PCNX2: variants seen among roughly 807,000 people sequenced by gnomAD.
PCNX2 encodes the protein pecanex 2.
Under a neutral mutation model 223.8 loss-of-function variants are expected in PCNX2, and 168 were observed. The observed-to-expected ratio is 0.75, with a 90% CI of 0.66 to 0.85. The LOEUF (loss-of-function observed/expected upper bound fraction) is 0.85. Ranked by LOEUF, PCNX2 falls within the 40% of genes least tolerant of loss-of-function variation. The pLI, the probability that PCNX2 is intolerant of heterozygous loss-of-function variation, is 0.00. For missense variants in PCNX2, 2,507 were observed against 2,675.5 expected (o/e 0.94, Z 1.39); for synonymous variants, 1,006 against 1,052.6 (o/e 0.96, Z 0.86).
chr1:233,085,032 T>A (rs1673531457), intron 23 of PCNX2, among the ~76,000 whole-genome samples: 1 of 152,180 alleles, frequency 6.6e-6, no homozygotes, highest in Admixed American at 6.5e-5. Flanking sequence ...TTAGACTTAA[T>A]TCACTTAAGA....
At chr1:233,088,647 C>T (rs1428593561) in intron 23 of PCNX2, among the ~76,000 whole-genome samples, 3 of 152,168 alleles carry the variant, frequency 2.0e-5, no homozygotes, top group Non-Finnish European at 2.9e-5. Context: ...CTGCCAGAAA[C>T]CTGAGGACCT....
chr1:233,071,511 A>G (rs547305853), intron 23 of PCNX2, among the ~76,000 whole-genome samples: 1 of 152,306 alleles, frequency 6.6e-6, no homozygotes, highest in East Asian at 1.9e-4. Flanking sequence ...ATGGCTTCAT[A>G]GTATTCCATG....
intron 1 of PCNX2, among the ~76,000 whole-genome samples, chr1:233,274,505 T>C (rs1019458809): frequency 6.6e-6 from 1 of 152,096 alleles, no homozygotes; most frequent in Non-Finnish European, 1.5e-5. Context: ...AAAAGAAACA[T>C]AGTCCCTATA....
Position 233,262,025 on chromosome 1 carries a change from C to A in PCNX2, c.480+20G>T. On this transcript the variant is annotated intron_variant, in intron 3 of 33. Coordinates refer to ENST00000258229, the MANE Select transcript of PCNX2 (RefSeq NM_014801.4). The stretch of plus-strand genomic sequence containing the variant: ...TCGAAATCACATGAAGAGGGTGAAA[C>A]AGGAAAGAAGACCACTAACCAATGG... 1 of 1,613,200 alleles carries A rather than the reference C, an allele frequency of 6.2e-7. No individual in the cohort carries two copies. Among genetic ancestry groups the A allele is most frequent in the South Asian group, 1.1e-5 (1 of 91,054 alleles).
chr1:233,251,542 G>A (rs527527393), intron 7 of PCNX2, among the ~76,000 whole-genome samples: 31 of 152,316 alleles, frequency 2.0e-4, no homozygotes, highest in Admixed American at 9.1e-4. Flanking sequence ...CAACTCAAAG[G>A]TGTTTTCCAC....
chr1:232,995,032 G>C (rs1669831057), intron 32 of PCNX2, among the ~76,000 whole-genome samples: 1 of 152,206 alleles, frequency 6.6e-6, no homozygotes, highest in African/African-American at 2.4e-5. Flanking sequence ...GAAACTGCCT[G>C]CATCTCTAAA....
intron 10 of PCNX2, among the ~76,000 whole-genome samples, chr1:233,226,766 C>T (rs1358470504): frequency 2.6e-5 from 4 of 151,994 alleles, no homozygotes; most frequent in Admixed American, 1.3e-4. Flanking sequence ...CCAAGGTGTC[C>T]GGGAAAGAGG....
intron 14 of PCNX2, among the ~76,000 whole-genome samples, 161 bp downstream of exon 14, chr1:233,199,993 C>T (rs1049125625): frequency 6.6e-6 from 1 of 152,172 alleles, no homozygotes; most frequent in Non-Finnish European, 1.5e-5. Context: ...TACAGGAAAT[C>T]TGGACAGGCC....
intron 23 of PCNX2, chr1:233,065,510 G>C (rs1337450346): frequency 2.6e-5 from 4 of 151,978 alleles, no homozygotes; most frequent in African/African-American, 9.7e-5. Flanking sequence ...CCTCTACTTG[G>C]TACAACGAAA....
At chr1:233,291,747 A>G in intron 1 of PCNX2, 1 of 984,936 alleles carries the variant, frequency 1.0e-6, no homozygotes, top group East Asian at 1.1e-4. Context: ...ATCTCCATTA[A>G]TTATCATCTC....
At chr1:233,057,395 A>C in intron 23 of PCNX2, 105 bp from the exon 24 acceptor site, 1 of 842,466 alleles carries the variant, frequency 1.2e-6, no homozygotes, top group South Asian at 1.5e-5. Flanking sequence ...AAGGTGACAG[A>C]TCTCACAGGT....
chr1:233,171,171 T>C (rs959254073), intron 17 of PCNX2, among the ~76,000 whole-genome samples: 2 of 152,232 alleles, frequency 1.3e-5, no homozygotes, highest in African/African-American at 4.8e-5. Flanking sequence ...TTACATTTTT[T>C]AAGCCAACTA....
At chr1:233,101,636 A>G (rs901040140) in intron 21 of PCNX2, among the ~76,000 whole-genome samples, 1 of 152,214 alleles carries the variant, frequency 6.6e-6, no homozygotes, top group African/African-American at 2.4e-5. Context: ...AGAAAAAAAT[A>G]AATTAATAGT....
At position 233,068,542 on chromosome 1, in the gene PCNX2, T is replaced by C. The variant is rs149082956; in HGVS notation, c.4077-11252A>G. On this transcript the variant is annotated intron_variant, in intron 23 of 33. Transcript: ENST00000258229. ...ATAGTTGTCAATATAGTTCTAAGTG[T>C]ATATACAGAAAATATTCATGACATC... Among the ~76,000 whole-genome samples the C allele has an allele frequency of 5.1e-3, 783 of 152,218 alleles. 6 individuals carry two copies. The highest frequency in any genetic ancestry group is 0.017 in the African/African-American group (722 of 41,536).
chr1:233,012,304 C>T (rs528308439), intron 28 of PCNX2, among the ~76,000 whole-genome samples: 172 of 152,148 alleles, frequency 1.1e-3, no homozygotes, highest in African/African-American at 3.7e-3. Context: ...AGCGGTGGGG[C>T]CCTGCCAGGC....
At chr1:233,269,991 G>A (rs751293960) in intron 1 of PCNX2, among the ~76,000 whole-genome samples, 2 of 152,228 alleles carry the variant, frequency 1.3e-5, no homozygotes, top group Admixed American at 6.5e-5. Flanking sequence ...AGAGTTAACA[G>A]AGATTCTTTT....
At chr1:233,228,855 GTAT>G (rs755609599) in intron 9 of PCNX2, among the ~76,000 whole-genome samples, 12 of 152,146 alleles carry the variant, frequency 7.9e-5, no homozygotes, top group Non-Finnish European at 1.3e-4. Context: ...ATTCTAATCC[GTAT>G]TTTTGTTTGG....
At chr1:233,066,092 G>C (rs1162787675) in intron 23 of PCNX2, among the ~76,000 whole-genome samples, 1 of 152,108 alleles carries the variant, frequency 6.6e-6, no homozygotes, top group Non-Finnish European at 1.5e-5. Flanking sequence ...TTGGGTAGGG[G>C]GTACCCACTT....
intron 17 of PCNX2, chr1:233,167,597 G>A (rs187030732): frequency 1.8e-5 from 8 of 435,074 alleles, no homozygotes; most frequent in East Asian, 1.6e-4. Flanking sequence ...GTAACTATGC[G>A]AGATGATGGA....
Sources: gnomAD v4.1 joint callset for allele counts (sites outside exome capture counted in the v4.1 genomes callset) on GRCh38, gnomAD v4.1.1 for gene constraint, MANE v1.5 for transcripts, NCBI Gene and HGNC (gene_info 2026-07-23, HGNC 2026-07-21) for gene names.